Variants in SLC7A2 observed in about 807,000 individuals in gnomAD.
The protein encoded by SLC7A2 is cationic amino acid transporter 2.
SLC7A2 carries 48 observed loss-of-function variants against 58.9 expected under a neutral mutation model. The observed-to-expected ratio is 0.82, with a 90% CI of 0.65 to 1.04. The LOEUF (loss-of-function observed/expected upper bound fraction) is 1.04. SLC7A2 is among the 50% of genes least tolerant of loss of function. The pLI is 0.00. For synonymous variants in SLC7A2, 363 were observed against 314.5 expected (o/e 1.15, Z -1.63); for missense variants, 1,029 against 818.8 (o/e 1.26, Z -3.13).
rs1346255280 is a variant in SLC7A2 at position 17,539,004 on chromosome 8, A to G, written c.-22-4314A>G. The G allele has an allele frequency of 2.3e-5, 30 of 1,293,692 alleles. No homozygotes were observed. The Middle Eastern group carries it at 5.5e-4, about 24-fold the overall frequency. 80.1% of individuals were successfully genotyped at this position (1,293,692 alleles called of 1,614,324 possible). A position where few individuals can be genotyped will look rare whatever the true frequency, so the allele number is the denominator to read the frequency against. ...CAACCTTTACTTAGGGGAGGAAGGGAAAGATTCATTTCTAAGTGACTCAAT... is the reference window on the plus strand; with the variant it reads ...CAACCTTTACTTAGGGGAGGAAGGGGAAGATTCATTTCTAAGTGACTCAAT... On this transcript the variant is annotated intron_variant, in intron 2 of 12. Coordinates refer to ENST00000494857, the MANE Select transcript of SLC7A2 (RefSeq NM_001370338.1).
At chr8:17,538,809 G>A (rs763339353) in intron 2 of SLC7A2, 14 of 1,613,402 alleles carry the variant, frequency 8.7e-6, no homozygotes, top group East Asian at 4.5e-5. Context: ...GTCTCACCAC[G>A]AAACTAGCAA....
rs1289691277 is a variant in SLC7A2, at chr8:17,569,356, C to T, written c.*4210C>T. On this transcript the variant is annotated 3_prime_UTR_variant, in exon 13 of 13. Coordinates refer to ENST00000494857, the MANE Select transcript of SLC7A2 (RefSeq NM_001370338.1). The stretch of plus-strand genomic sequence containing the variant: ...CATGTGAAATTAACTGTCCTTTTTG[C>T]TAGTGCCAAAACAGTGCCTTCTCTG... The T allele has an allele frequency of 2.0e-5, 3 of 152,184 alleles. No individual in the cohort carries two copies. The highest frequency in any genetic ancestry group is 7.2e-5 in the African/African-American group (3 of 41,448). 9.4% of individuals were successfully genotyped at this position (152,184 alleles called of 1,614,324 possible).
intron 2 of SLC7A2, among the ~76,000 whole-genome samples, chr8:17,502,731 A>G (rs937760675): frequency 6.6e-6 from 1 of 152,108 alleles, no homozygotes; most frequent in African/African-American, 2.4e-5. Flanking sequence ...GAATCCTGGA[A>G]TGAGTCCATT....
At chr8:17,532,705 C>T (rs945368658) in intron 2 of SLC7A2, among the ~76,000 whole-genome samples, 3 of 151,858 alleles carry the variant, frequency 2.0e-5, no homozygotes, top group Non-Finnish European at 4.4e-5. Context: ...GTGACAAGCA[C>T]ATCAATAGGA....
intron 2 of SLC7A2, among the ~76,000 whole-genome samples, chr8:17,519,135 A>C (rs73666177): frequency 0.07 from 10,609 of 152,200 alleles, 1,278 homozygotes; most frequent in African/African-American, 0.24. Context: ...GAACACAAAT[A>C]TTTTGTTTGT....
At chr8:17,504,102 G>C (rs75004473) in intron 2 of SLC7A2, among the ~76,000 whole-genome samples, 2,179 of 152,332 alleles carry the variant, frequency 0.014, 69 homozygotes, top group African/African-American at 0.05. Context: ...GTTTTGCATT[G>C]ATCTGGACCT....
At chr8:17,499,481 A>G (rs1185543552) in intron 1 of SLC7A2, among the ~76,000 whole-genome samples, 6 of 151,184 alleles carry the variant, frequency 4.0e-5, no homozygotes, top group Non-Finnish European at 8.8e-5. Flanking sequence ...TTTGGTGGAC[A>G]ACTTTCAGAA....
chr8:17,512,322 G>A lies in SLC7A2; in HGVS notation c.-23+10020G>A, dbSNP rs193248811. Among the ~76,000 whole-genome samples, 24 of 152,066 alleles carry A rather than the reference G, an allele frequency of 1.6e-4. No individual in the cohort carries two copies. The East Asian group carries it at 4.3e-3, about 27-fold the overall frequency. On this transcript the variant is annotated intron_variant, in intron 2 of 12. Transcript: ENST00000494857. Reference sequence around the variant, plus strand: ...AGCACTTTGGGAGGCCAAGGAGGGTGGATCACCTGAGGTCAGGAGTTTAAG... The same window carrying A: ...AGCACTTTGGGAGGCCAAGGAGGGTAGATCACCTGAGGTCAGGAGTTTAAG...
intron 2 of SLC7A2, among the ~76,000 whole-genome samples, chr8:17,503,193 G>A (rs2150644856): frequency 6.6e-6 from 1 of 152,076 alleles, no homozygotes; most frequent in East Asian, 1.9e-4. Flanking sequence ...TGGGACTACA[G>A]GCGCCCGCCA....
upstream of SLC7A2, among the ~76,000 whole-genome samples, chr8:17,495,079 A>C (rs1799923044): frequency 6.6e-6 from 1 of 152,236 alleles, no homozygotes; most frequent in African/African-American, 2.4e-5. Flanking sequence ...GCCTTTAAGT[A>C]AAAATATGTG....
At chr8:17,535,832 G>T (rs1801640387) in intron 2 of SLC7A2, among the ~76,000 whole-genome samples, 1 of 152,128 alleles carries the variant, frequency 6.6e-6, no homozygotes, top group Non-Finnish European at 1.5e-5. Flanking sequence ...GAACCCGGGA[G>T]GCGGAGGTGG....
At chr8:17,502,070 A>C (rs1410277346) in intron 1 of SLC7A2, among the ~76,000 whole-genome samples, 187 bp from the exon 2 acceptor site, 1 of 151,680 alleles carries the variant, frequency 6.6e-6, no homozygotes, top group Non-Finnish European at 1.5e-5. Context: ...CTACAATTAT[A>C]TATATATATG....
intron 10 of SLC7A2, among the ~76,000 whole-genome samples, chr8:17,560,879 A>G (rs1802945525): frequency 6.6e-6 from 1 of 152,186 alleles, no homozygotes; most frequent in Admixed American, 6.5e-5. Flanking sequence ...GAATTGTCCA[A>G]TAATATAGAA....
chr8:17,536,016 G>C (rs1801648374), intron 2 of SLC7A2, among the ~76,000 whole-genome samples: 1 of 151,830 alleles, frequency 6.6e-6, no homozygotes, highest in African/African-American at 2.4e-5. Flanking sequence ...TCTCCAGTAT[G>C]GTAAAATATT....
intron 2 of SLC7A2, among the ~76,000 whole-genome samples, chr8:17,525,201 C>G (rs948938455): frequency 2.0e-5 from 3 of 152,040 alleles, no homozygotes; most frequent in Non-Finnish European, 2.9e-5. Context: ...CATTAGAAGG[C>G]CTATCTTCAT....
At chr8:17,518,353 C>T (rs2705102) in intron 2 of SLC7A2, among the ~76,000 whole-genome samples, 121,170 of 152,064 alleles carry the variant, frequency 0.8, 48,582 homozygotes, top group South Asian at 0.87. Flanking sequence ...TTCACCAAGC[C>T]GTGGTGACAA....
chr8:17,555,590 G>A (rs1267621195), intron 8 of SLC7A2, among the ~76,000 whole-genome samples: 2 of 151,692 alleles, frequency 1.3e-5, no homozygotes, highest in Non-Finnish European at 2.9e-5. Context: ...TTTATGCTTG[G>A]CCCTTGTGAT....
At chr8:17,525,035 G>C (rs1205617304) in intron 2 of SLC7A2, among the ~76,000 whole-genome samples, 3 of 152,150 alleles carry the variant, frequency 2.0e-5, no homozygotes, top group African/African-American at 7.2e-5. Context: ...ATCTAACACA[G>C]AACCATTTTT....
intron 7 of SLC7A2, 67 bp from the exon 8 acceptor site, chr8:17,554,493 A>G (rs1199819188): frequency 7.7e-7 from 1 of 1,300,008 alleles, no homozygotes; most frequent in Non-Finnish European, 1.0e-6. Context: ...CAATTATTTT[A>G]TTTCCGTTCG....
Sources: allele counts gnomAD v4.1 joint callset (sites outside exome capture counted in the v4.1 genomes callset), GRCh38; gene constraint gnomAD v4.1.1; transcripts MANE v1.5; gene names NCBI Gene and HGNC (gene_info 2026-07-23, HGNC 2026-07-21).